LHFPL3: variants seen among roughly 807,000 people sequenced by gnomAD.
The protein encoded by LHFPL3 is LHFPL tetraspan subfamily member 3 protein.
Under a neutral mutation model 19.3 loss-of-function variants are expected in LHFPL3, and 5 were observed. That is an observed-to-expected ratio of 0.26 (90% CI 0.14 to 0.54). LHFPL3 has a LOEUF of 0.54. Among genes scored for constraint, LHFPL3 ranks in the 20% least tolerant of loss-of-function variants. The probability of loss-of-function intolerance (pLI) is 0.94; values close to 1 mark genes in which losing one functional copy is unlikely to be tolerated. For missense variants in LHFPL3, 249 were observed against 307.4 expected, an observed-to-expected ratio of 0.81 and a Z score of 1.42; for synonymous variants, 133 against 126.2, an observed-to-expected ratio of 1.05 and a Z score of -0.36.
At chr7:104,395,151 C>G (rs995084541) in intron 1 of LHFPL3, among the ~76,000 whole-genome samples, 7 of 152,094 alleles carry the variant, frequency 4.6e-5, no homozygotes, top group Admixed American at 2.0e-4. Flanking sequence ...GGTCAGTTTA[C>G]AAAATCTTAG....
At chr7:104,887,862 T>C (rs1481673814) in intron 2 of LHFPL3, among the ~76,000 whole-genome samples, 1 of 152,234 alleles carries the variant, frequency 6.6e-6, no homozygotes, top group Non-Finnish European at 1.5e-5. Context: ...CAGGTCATCT[T>C]GGTTCAGATT....
At chr7:104,334,275 A>T (rs974958965) in intron 1 of LHFPL3, among the ~76,000 whole-genome samples, 1 of 152,206 alleles carries the variant, frequency 6.6e-6, no homozygotes, top group Admixed American at 6.5e-5. Flanking sequence ...GGCTGGGTGC[A>T]GTGGCTCACA....
At chr7:104,349,656 G>A (rs976393348) in intron 1 of LHFPL3, among the ~76,000 whole-genome samples, 1 of 152,202 alleles carries the variant, frequency 6.6e-6, no homozygotes, top group Non-Finnish European at 1.5e-5. Flanking sequence ...AACCACCATA[G>A]CACGTGTATA....
At chr7:104,574,608 C>T (rs1354092589) in intron 1 of LHFPL3, among the ~76,000 whole-genome samples, 2 of 152,080 alleles carry the variant, frequency 1.3e-5, no homozygotes, top group African/African-American at 4.8e-5. Context: ...TTTCAAAATG[C>T]TTTGAAAATG....
At chr7:104,738,632 A>C (rs965901329) in intron 2 of LHFPL3, 3 of 152,192 alleles carry the variant, frequency 2.0e-5, no homozygotes, top group African/African-American at 7.2e-5. Context: ...TTGGGAATTG[A>C]GAATTACAAC....
At chr7:104,510,884 C>T (rs56682260) in intron 1 of LHFPL3, among the ~76,000 whole-genome samples, 15,513 of 152,072 alleles carry the variant, frequency 0.1, 870 homozygotes, top group East Asian at 0.11. Flanking sequence ...GAACAATAAA[C>T]ACCGGGGCCT....
intron 1 of LHFPL3, among the ~76,000 whole-genome samples, chr7:104,706,931 G>C (rs1793201686): frequency 7.1e-6 from 1 of 140,632 alleles, no homozygotes; most frequent in Non-Finnish European, 1.6e-5. Context: ...GGAGGATAAT[G>C]ACTACAAGAC....
intron 1 of LHFPL3, among the ~76,000 whole-genome samples, chr7:104,678,375 G>T (rs1792632148): frequency 6.6e-6 from 1 of 152,052 alleles, no homozygotes; most frequent in African/African-American, 2.4e-5. Context: ...CTTTATTTCT[G>T]TCTGCATTTG....
intron 1 of LHFPL3, among the ~76,000 whole-genome samples, chr7:104,602,040 T>C (rs984898866): frequency 5.4e-5 from 8 of 147,440 alleles, no homozygotes; most frequent in South Asian, 4.4e-4. Context: ...TTTTTTTTTT[T>C]CTGACAGCCT....
intron 1 of LHFPL3, among the ~76,000 whole-genome samples, chr7:104,597,908 A>G (rs1011909040): frequency 6.6e-6 from 1 of 152,222 alleles, no homozygotes; most frequent in Non-Finnish European, 1.5e-5. Context: ...ACTAAGATGG[A>G]TAAGACATCA....
intron 1 of LHFPL3, among the ~76,000 whole-genome samples, chr7:104,514,172 A>G (rs1408495080): frequency 1.3e-5 from 2 of 152,124 alleles, no homozygotes; most frequent in African/African-American, 2.4e-5. Flanking sequence ...TCTCTGATAC[A>G]GATTCAAGAA....
At chr7:104,551,886 C>A (rs982178330) in intron 1 of LHFPL3, among the ~76,000 whole-genome samples, 4 of 152,168 alleles carry the variant, frequency 2.6e-5, no homozygotes, top group Admixed American at 6.5e-5. Context: ...GCAACTTGGA[C>A]ATCTGGTCAT....
chr7:104,411,950 C>G (rs558818399), intron 1 of LHFPL3, among the ~76,000 whole-genome samples: 2 of 152,202 alleles, frequency 1.3e-5, no homozygotes, highest in Non-Finnish European at 2.9e-5. Context: ...GTTTTCCTTG[C>G]AAATCTCCCG....
intron 1 of LHFPL3, among the ~76,000 whole-genome samples, chr7:104,676,146 T>C (rs957000466): frequency 6.6e-6 from 1 of 152,206 alleles, no homozygotes; most frequent in African/African-American, 2.4e-5. Context: ...ATGTCACATT[T>C]TTGCTTCATG....
chr7:104,769,842 C>T (rs1049441750), intron 2 of LHFPL3, among the ~76,000 whole-genome samples: 1 of 97,912 alleles, frequency 1.0e-5, no homozygotes. Flanking sequence ...CCGTGGAATA[C>T]TATGCAGCCA....
intron 1 of LHFPL3, among the ~76,000 whole-genome samples, chr7:104,396,182 T>G (rs1306843645): frequency 1.3e-5 from 2 of 152,230 alleles, no homozygotes; most frequent in Non-Finnish European, 2.9e-5. Flanking sequence ...CCAACTGTCT[T>G]GTACCTATTC....
chr7:104,843,941 G>C (rs1341036556), intron 2 of LHFPL3, among the ~76,000 whole-genome samples: 2 of 152,208 alleles, frequency 1.3e-5, no homozygotes, highest in Admixed American at 1.3e-4. Context: ...GGTGGAAAGA[G>C]TGGGATTCAA....
At chr7:104,736,357 C>G (rs1793818592) in intron 1 of LHFPL3, among the ~76,000 whole-genome samples, 1 of 152,130 alleles carries the variant, frequency 6.6e-6, no homozygotes, top group African/African-American at 2.4e-5. Flanking sequence ...CCCACAAATG[C>G]ACCCCAAAAT....
chr7:104,530,153 T>A (rs1794268192), intron 1 of LHFPL3, among the ~76,000 whole-genome samples: 1 of 152,206 alleles, frequency 6.6e-6, no homozygotes, highest in African/African-American at 2.4e-5. Flanking sequence ...GACTGACTAA[T>A]CATCAGTATG....
Sources: gnomAD v4.1 joint callset for allele counts (sites outside exome capture counted in the v4.1 genomes callset) on GRCh38, gnomAD v4.1.1 for gene constraint, MANE v1.5 for transcripts, NCBI Gene and HGNC (gene_info 2026-07-23, HGNC 2026-07-21) for gene names.